TMEM232: variants seen among roughly 807,000 people sequenced by gnomAD.
The protein encoded by TMEM232 is transmembrane protein 232.
TMEM232 carries 80 observed loss-of-function variants against 78.8 expected under a neutral mutation model. That is an observed-to-expected ratio of 1.01 (90% confidence interval 0.85 to 1.22). TMEM232 has a LOEUF of 1.22. TMEM232 is among the 50% of genes most tolerant of loss of function. The probability of loss-of-function intolerance (pLI) is 0.00; values close to 1 mark genes in which losing one functional copy is unlikely to be tolerated. For synonymous variants in TMEM232, 297 were observed against 254.3 expected, an observed-to-expected ratio of 1.17 and a Z score of -1.60; for missense variants, 881 against 742.2, an observed-to-expected ratio of 1.19 and a Z score of -2.17.
chr5:110,637,328 T>C lies in TMEM232; in HGVS notation c.501+870A>G, dbSNP rs1037254836. Among the ~76,000 whole-genome samples, 4 of 151,746 alleles carry C rather than the reference T, an allele frequency of 2.6e-5. No homozygotes were observed. The East Asian group carries it at 5.8e-4, about 22-fold the overall frequency. On this transcript the variant is annotated intron_variant, in intron 5 of 13. Transcript: ENST00000455884. ...TTGCACGGTTAATTTCTATTATGTA[T>C]TCTCTGTATCTACTTTTGCTTGGTC...
At chr5:110,503,399 G>C (rs538735703) in intron 12 of TMEM232, among the ~76,000 whole-genome samples, 1 of 152,136 alleles carries the variant, frequency 6.6e-6, no homozygotes, top group East Asian at 1.9e-4. Flanking sequence ...GGCAGGTTTG[G>C]GTGAGAGGAA....
At chr5:110,622,873 G>A (rs1423908832) in intron 7 of TMEM232, among the ~76,000 whole-genome samples, 99 of 151,502 alleles carry the variant, frequency 6.5e-4, no homozygotes, top group African/African-American at 2.4e-3. Flanking sequence ...GGATAGCATT[G>A]GGAGATATAC....
At chr5:110,721,673 G>GTATATATATATATATATA (rs10522202) in intron 1 of TMEM232, among the ~76,000 whole-genome samples, 1,445 of 35,276 alleles carry the variant, frequency 0.041, 321 homozygotes, top group Middle Eastern at 0.065. Flanking sequence ...GTGTGTGTGT[G>GTATATATATATATATATA]TATATATATA....
At chr5:110,678,165 A>G (rs1792273844) in intron 1 of TMEM232, among the ~76,000 whole-genome samples, 1 of 152,134 alleles carries the variant, frequency 6.6e-6, no homozygotes, top group African/African-American at 2.4e-5. Context: ...CCCAGGTTCA[A>G]GCAATTCTCC....
chr5:110,692,352 A>C (rs546675228), intron 1 of TMEM232, among the ~76,000 whole-genome samples: 12 of 152,376 alleles, frequency 7.9e-5, no homozygotes, highest in Admixed American at 2.6e-4. Context: ...CAGCAGCTCC[A>C]GTCTACAGCT....
At chr5:110,410,845 A>C (rs1287905624) in intron 2 of TMEM232, among the ~76,000 whole-genome samples, 2 of 152,128 alleles carry the variant, frequency 1.3e-5, no homozygotes, top group Non-Finnish European at 2.9e-5. Flanking sequence ...GAAGACAGAA[A>C]TCAAATCCCA....
At chr5:110,706,637 T>C (rs891206579) in intron 1 of TMEM232, among the ~76,000 whole-genome samples, 3 of 152,106 alleles carry the variant, frequency 2.0e-5, no homozygotes, top group South Asian at 2.1e-4. Context: ...TTCTCAAGAA[T>C]TATTAAAAGT....
At chr5:110,485,254 T>G (rs574384870) in intron 12 of TMEM232, among the ~76,000 whole-genome samples, 6 of 152,270 alleles carry the variant, frequency 3.9e-5, no homozygotes, top group African/African-American at 1.4e-4. Flanking sequence ...TAGGCGTAAG[T>G]AACAATGTAT....
chr5:110,649,299 C>A (rs1286076729), intron 2 of TMEM232, among the ~76,000 whole-genome samples: 2 of 151,918 alleles, frequency 1.3e-5, no homozygotes, highest in Admixed American at 6.6e-5. Context: ...ACTAGGATTT[C>A]TTTATTTAAA....
At chr5:110,573,412 T>G (rs1046513822) in intron 10 of TMEM232, among the ~76,000 whole-genome samples, 1 of 152,074 alleles carries the variant, frequency 6.6e-6, no homozygotes, top group Admixed American at 6.6e-5. Context: ...CAATGCCATG[T>G]AGAGTTGAAG....
chr5:110,615,341 T>C (rs1229263511), intron 8 of TMEM232, among the ~76,000 whole-genome samples: 1 of 151,974 alleles, frequency 6.6e-6, no homozygotes, highest in African/African-American at 2.4e-5. Flanking sequence ...TAAATAAATA[T>C]ATGTGGCAAT....
chr5:110,603,816 A>G (rs565002061), intron 10 of TMEM232, among the ~76,000 whole-genome samples: 70 of 152,312 alleles, frequency 4.6e-4, no homozygotes, highest in African/African-American at 1.6e-3. Flanking sequence ...GTTTCAATCT[A>G]TTGATTAAGC....
intron 8 of TMEM232, among the ~76,000 whole-genome samples, chr5:110,616,527 T>C (rs956145331): frequency 5.9e-5 from 9 of 152,132 alleles, no homozygotes; most frequent in Middle Eastern, 3.4e-3. Flanking sequence ...CCCATATATT[T>C]AAAGAAAATA....
chr5:110,658,315 A>T (rs530872353), intron 2 of TMEM232, among the ~76,000 whole-genome samples: 54 of 152,254 alleles, frequency 3.5e-4, no homozygotes, highest in African/African-American at 1.2e-3. Context: ...CATTTCTAAA[A>T]ATATCTACGG....
chr5:110,683,156 A>G (rs1445498627), intron 1 of TMEM232, among the ~76,000 whole-genome samples: 1 of 152,170 alleles, frequency 6.6e-6, no homozygotes, highest in East Asian at 1.9e-4. Context: ...AATTAATTAT[A>G]TAAATGGACT....
At chr5:110,528,953 C>T (rs1003574732) in intron 11 of TMEM232, 118 bp from the exon 12 acceptor site, 1 of 969,124 alleles carries the variant, frequency 1.0e-6, no homozygotes, top group Non-Finnish European at 1.3e-6. Flanking sequence ...TTGCATTTTT[C>T]CTGTTAAGTA....
intron 10 of TMEM232, among the ~76,000 whole-genome samples, chr5:110,579,233 A>G (rs1479520007): frequency 2.0e-5 from 3 of 151,586 alleles, no homozygotes; most frequent in East Asian, 3.9e-4. Flanking sequence ...TCTGCCAGGA[A>G]GATACTATAC....
intron 12 of TMEM232, among the ~76,000 whole-genome samples, chr5:110,487,125 G>A (rs1254193356): frequency 2.0e-5 from 3 of 151,976 alleles, no homozygotes; most frequent in South Asian, 2.1e-4. Flanking sequence ...CTTTGTAGGT[G>A]TACAGAAGAG....
chr5:110,731,807 T>C (rs1189661530), intron 2 of TMEM232, among the ~76,000 whole-genome samples: 1 of 152,216 alleles, frequency 6.6e-6, no homozygotes, highest in Non-Finnish European at 1.5e-5. Flanking sequence ...ATTTTCCCCA[T>C]GGTCTTGGGG....
Sources: gnomAD v4.1 joint callset for allele counts (sites outside exome capture counted in the v4.1 genomes callset) on GRCh38, gnomAD v4.1.1 for gene constraint, MANE v1.5 for transcripts, NCBI Gene and HGNC (gene_info 2026-07-23, HGNC 2026-07-21) for gene names.